Variants in DROSHA observed in about 807,000 individuals in gnomAD.
DROSHA encodes drosha ribonuclease III.
Under a neutral mutation model 181.9 loss-of-function variants are expected in DROSHA, and 56 were observed. The observed-to-expected ratio is 0.31, with a 90% CI of 0.25 to 0.38. The LOEUF (loss-of-function observed/expected upper bound fraction) is 0.38. DROSHA is among the 10% of genes least tolerant of loss of function. The pLI is 1.00. For synonymous variants in DROSHA, 524 were observed against 591.2 expected (o/e 0.89, Z 1.65); for missense variants, 1,218 against 1,743.5 (o/e 0.70, Z 5.37).
At position 31,514,298 on chromosome 5, in the gene DROSHA, A is replaced by C. The variant is rs528854801; in HGVS notation, c.1290+690T>G. 5.3e-5 allele frequency among the ~76,000 whole-genome samples: 8 copies of C among 152,018 alleles called. No homozygotes were observed. The highest frequency in any genetic ancestry group is 5.2e-4 in the Admixed American group (8 of 15,246). On this transcript the variant is annotated intron_variant, in intron 8 of 35. Coordinates refer to ENST00000344624, the MANE Select transcript of DROSHA (RefSeq NM_001382508.1). The surrounding 1 kb of genome is among the most constrained non-coding windows in gnomAD (Gnocchi z 4.4). ...ACTACAAACTGCATAAACTAGTTAC[A>C]TGTGAAAGCTTATGAAACCACCAGT...
intron 14 of DROSHA, among the ~76,000 whole-genome samples, chr5:31,486,261 G>T (rs115640931): frequency 6.6e-6 from 1 of 152,088 alleles, no homozygotes; most frequent in Non-Finnish European, 1.5e-5. Context: ...ATCAGCAGAC[G>T]TAACACAAGG....
At chr5:31,447,535 T>G (rs989452422) in intron 23 of DROSHA, among the ~76,000 whole-genome samples, 1 of 152,172 alleles carries the variant, frequency 6.6e-6, no homozygotes, top group Admixed American at 6.5e-5. Flanking sequence ...ATCAAAAGTT[T>G]AGTACTGCAA....
At chr5:31,493,490 C>T (rs888727597) in intron 12 of DROSHA, among the ~76,000 whole-genome samples, 197 bp from the exon 13 acceptor site, 12 of 152,076 alleles carry the variant, frequency 7.9e-5, no homozygotes, top group African/African-American at 2.9e-4. Context: ...CGTACTTAGA[C>T]AATGAATGAT....
intron 34 of DROSHA, among the ~76,000 whole-genome samples, chr5:31,406,471 C>T (rs143919055): frequency 1.9e-4 from 29 of 151,552 alleles, no homozygotes; most frequent in Non-Finnish European, 4.0e-4. Flanking sequence ...GACTAGGTGA[C>T]AAAGTGAGAC....
At chr5:31,448,811 T>C (rs1262844893) in intron 22 of DROSHA, among the ~76,000 whole-genome samples, 1 of 152,122 alleles carries the variant, frequency 6.6e-6, no homozygotes, top group Non-Finnish European at 1.5e-5. Flanking sequence ...ACCCTTATTA[T>C]AGTTCTTGCT....
intron 30 of DROSHA, among the ~76,000 whole-genome samples, chr5:31,412,311 T>C (rs1399601168): frequency 6.6e-6 from 1 of 152,138 alleles, no homozygotes; most frequent in African/African-American, 2.4e-5. Context: ...ATATAACAAA[T>C]TCTCGGTCTA....
chr5:31,509,508 TAAG>T (rs1161944069), intron 9 of DROSHA, among the ~76,000 whole-genome samples: 2 of 151,976 alleles, frequency 1.3e-5, no homozygotes, highest in Admixed American at 6.6e-5. Flanking sequence ...AGAAGCATGA[TAAG>T]GAGGAGAAAA....
rs752292612 is a variant in DROSHA, at chr5:31,401,579, T to C, written c.3995-17A>G. The stretch of plus-strand genomic sequence containing the variant: ...GAAAATTATCTGACACAAGGAAATA[T>C]ATTTTATATTTAATAAAATTATATT... On this transcript the variant is annotated splice_polypyrimidine_tract_variant and intron_variant, in intron 35 of 35. Coordinates refer to ENST00000344624, the MANE Select transcript of DROSHA (RefSeq NM_001382508.1). The C allele has an allele frequency of 1.4e-6, 2 of 1,392,842 alleles. No individual in the cohort carries two copies. Among genetic ancestry groups the C allele is most frequent in the East Asian group, 5.7e-5 (2 of 35,028 alleles). The allele number at this position is 1,392,842 out of a possible 1,614,324, so 86.3% of individuals were successfully genotyped here. A position where few individuals can be genotyped will look rare whatever the true frequency, so the allele number is the denominator to read the frequency against.
chr5:31,499,582 T>A (rs559681457), intron 11 of DROSHA, among the ~76,000 whole-genome samples: 7 of 152,110 alleles, frequency 4.6e-5, no homozygotes, highest in Non-Finnish European at 1.0e-4. Context: ...ATGATAGCTA[T>A]AAGAACAATG....
In DROSHA at chr5:31,498,730, G is replaced by A. The variant is rs181631187; in HGVS notation, c.1669-3358C>T. 4.6e-3 allele frequency among the ~76,000 whole-genome samples: 703 copies of A among 152,196 alleles called. 5 individuals are homozygous for A. The highest frequency in any genetic ancestry group is 0.022 in the South Asian group (108 of 4,822). On this transcript the variant is annotated intron_variant, in intron 11 of 35. Transcript: ENST00000344624. ...AAATTAGCCAGGCGTGGTGATGCACGCCTGCAATCCCAGCTACTTGGGAGG... is the reference window on the plus strand; with the variant it reads ...AAATTAGCCAGGCGTGGTGATGCACACCTGCAATCCCAGCTACTTGGGAGG...
chr5:31,405,667 AC>A lies in DROSHA; in HGVS notation c.3994+9del. ...TATGAACATAATTATAGAAAAAAAA[AC>A]AGGCTTACATTTTTCAAGCGCATCC... is the stretch of plus-strand genomic sequence containing the variant. On this transcript the variant is annotated intron_variant, in intron 35 of 35. Transcript: ENST00000344624. 15 of 1,553,580 alleles carry A rather than the reference AC, an allele frequency of 9.7e-6. No individual in the cohort carries two copies. Among genetic ancestry groups the A allele is most frequent in the African/African-American group, 1.4e-5 (1 of 72,622 alleles).
In DROSHA at chr5:31,439,297, C is replaced by T. The variant is rs552173349; in HGVS notation, c.2883-1999G>A. 4.5e-3 allele frequency among the ~76,000 whole-genome samples: 682 copies of T among 152,332 alleles called. 6 individuals carry two copies. Among genetic ancestry groups the T allele is most frequent in the African/African-American group, 0.015 (634 of 41,572 alleles). ...TGGTAAAATCCTGTGCTGTCCCACC[C>T]TATTCCACCTGGGATAATCCCTTTT... On this transcript the variant is annotated intron_variant, in intron 23 of 35. Transcript: ENST00000344624.
At chr5:31,517,698 G>T (rs1388077452) in intron 6 of DROSHA, among the ~76,000 whole-genome samples, 1 of 151,840 alleles carries the variant, frequency 6.6e-6, no homozygotes, top group Non-Finnish European at 1.5e-5. Context: ...AAGTATCCTT[G>T]CATTACTATT....
intron 10 of DROSHA, 104 bp downstream of exon 10, chr5:31,508,517 A>T: frequency 6.6e-7 from 1 of 1,524,828 alleles, no homozygotes. Context: ...CCCTGACAGT[A>T]AAATTCAGTT....
At chr5:31,528,790 A>G (rs530440967) in intron 4 of DROSHA, among the ~76,000 whole-genome samples, 1 of 152,266 alleles carries the variant, frequency 6.6e-6, no homozygotes, top group South Asian at 2.1e-4. Context: ...TTCCACCTTT[A>G]ATGTCTGCCT....
At chr5:31,506,546 T>C (rs1737984130) in intron 10 of DROSHA, among the ~76,000 whole-genome samples, 1 of 151,650 alleles carries the variant, frequency 6.6e-6, no homozygotes, top group Non-Finnish European at 1.5e-5. Flanking sequence ...GGCGTGGTGG[T>C]GCAAGCCTGT....
chr5:31,404,508 T>G (rs1022347194), intron 35 of DROSHA, among the ~76,000 whole-genome samples: 1 of 152,162 alleles, frequency 6.6e-6, no homozygotes, highest in African/African-American at 2.4e-5. Flanking sequence ...GCCTGAGGAT[T>G]CTGGGCCTCT....
At chr5:31,504,464 A>G in intron 11 of DROSHA, 91 bp downstream of exon 11, 1 of 1,349,744 alleles carries the variant, frequency 7.4e-7, no homozygotes, top group East Asian at 2.4e-5. Flanking sequence ...TTTTGATGGT[A>G]TTATTTCATT....
At chr5:31,430,252 A>G (rs983923926) in intron 26 of DROSHA, among the ~76,000 whole-genome samples, 4 of 152,230 alleles carry the variant, frequency 2.6e-5, no homozygotes, top group Non-Finnish European at 5.9e-5. Context: ...AATTGTAACA[A>G]TGATAGTCAG....
Sources: gnomAD v4.1 joint callset for allele counts (sites outside exome capture counted in the v4.1 genomes callset) on GRCh38, gnomAD v4.1.1 for gene constraint, Gnocchi (gnomAD v3.1) non-coding constraint, MANE v1.5 for transcripts, NCBI Gene and HGNC (gene_info 2026-07-23, HGNC 2026-07-21) for gene names.